Variants in OSBPL9 observed in about 807,000 individuals in gnomAD.
The protein encoded by OSBPL9 is oxysterol-binding protein-related protein 9.
Under a neutral mutation model 106.6 loss-of-function variants are expected in OSBPL9, and 40 were observed. The observed-to-expected ratio is 0.38, with a 90% confidence interval of 0.29 to 0.49. OSBPL9 has a LOEUF of 0.49. OSBPL9 is among the 20% of genes least tolerant of loss of function. The pLI, the probability that OSBPL9 is intolerant of heterozygous loss-of-function variation, is 0.97. For synonymous variants in OSBPL9, 269 were observed against 295.4 expected, an observed-to-expected ratio of 0.91 and a Z score of 0.92; for missense variants, 609 against 887.2, an observed-to-expected ratio of 0.69 and a Z score of 3.98.
intron 1 of OSBPL9, among the ~76,000 whole-genome samples, chr1:51,591,731 G>A (rs1465266419): frequency 6.6e-6 from 1 of 152,148 alleles, no homozygotes; most frequent in Non-Finnish European, 1.5e-5. Flanking sequence ...GGTGGAGGTT[G>A]CAGTGAGCTG....
At chr1:51,685,518 C>T (rs2148813438) in intron 3 of OSBPL9, among the ~76,000 whole-genome samples, 1 of 152,312 alleles carries the variant, frequency 6.6e-6, no homozygotes, top group African/African-American at 2.4e-5. Flanking sequence ...AGCGATTCTC[C>T]TGCCTTAGCC....
At chr1:51,666,090 C>T (rs564401094) in intron 2 of OSBPL9, among the ~76,000 whole-genome samples, 53 of 152,174 alleles carry the variant, frequency 3.5e-4, no homozygotes, top group East Asian at 2.7e-3. Context: ...TCAGGTGATC[C>T]GCCCGCCTCG....
intron 1 of OSBPL9, among the ~76,000 whole-genome samples, chr1:51,586,337 T>C (rs1294337680): frequency 1.3e-5 from 2 of 152,172 alleles, no homozygotes; most frequent in Non-Finnish European, 2.9e-5. Context: ...TTACAGTGAC[T>C]ATATATATAA....
intron 14 of OSBPL9, 108 bp downstream of exon 14, chr1:51,772,831 C>G (rs571804271): frequency 2.5e-6 from 2 of 785,510 alleles, no homozygotes; most frequent in African/African-American, 1.7e-5. Context: ...CTTTTTATAC[C>G]TGTGTCTTCT....
chr1:51,784,635 TTTGTC>T lies in OSBPL9; in HGVS notation c.1829+57_1829+61del. The T allele has an allele frequency of 3.2e-6, 5 of 1,572,060 alleles. No homozygotes were observed. The Admixed American group carries it at 8.5e-5, about 27-fold the overall frequency. On this transcript the variant is annotated intron_variant, in intron 20 of 23. Transcript: ENST00000428468. ...TTATGCTTTTCTGAAATAACTGCCT[TTTGTC>T]TTGAACTACAGCTTCTGGATTAGGA...
rs180729624 is a variant in OSBPL9, at chr1:51,766,976, G to A, written c.938+995G>A. Among the ~76,000 whole-genome samples, 394 of 152,206 alleles carry A rather than the reference G, an allele frequency of 2.6e-3. 1 individual carries two copies. Among genetic ancestry groups the A allele is most frequent in the African/African-American group, 9.0e-3 (373 of 41,532 alleles). The stretch of plus-strand genomic sequence containing the variant: ...GCCTATAAATTCCAGCTACTCAGGA[G>A]GCTGAGGCAGGAGAATCACTTGAAC... On this transcript the variant is annotated intron_variant, in intron 12 of 23. Transcript: ENST00000428468.
the OSBPL9 span, among the ~76,000 whole-genome samples, chr1:51,540,778 G>A: frequency 4.6e-5 from 7 of 151,938 alleles, no homozygotes; most frequent in African/African-American, 1.7e-4. Context: ...GGCCAACATG[G>A]TGAAACCCCG....
chr1:51,680,926 CA>C (rs1264967218), intron 3 of OSBPL9, among the ~76,000 whole-genome samples: 1 of 152,156 alleles, frequency 6.6e-6, no homozygotes, highest in East Asian at 1.9e-4. Flanking sequence ...CCCTCATCAG[CA>C]CTTAGTATTA....
At chr1:51,727,531 C>T (rs1483037111) in intron 4 of OSBPL9, among the ~76,000 whole-genome samples, 1 of 152,100 alleles carries the variant, frequency 6.6e-6, no homozygotes, top group Non-Finnish European at 1.5e-5. Flanking sequence ...AAATAGAAAG[C>T]AGAGCAGTGG....
chr1:51,710,004 A>G (rs911587413), intron 3 of OSBPL9: 1 of 152,200 alleles, frequency 6.6e-6, no homozygotes, highest in East Asian at 1.9e-4. Flanking sequence ...ATACTTAACT[A>G]TTGTAGATTA....
At chr1:51,628,684 CTTT>C (rs909175159) in intron 1 of OSBPL9, among the ~76,000 whole-genome samples, 2 of 134,454 alleles carry the variant, frequency 1.5e-5, no homozygotes, top group Admixed American at 7.5e-5. Flanking sequence ...TTCTTTTTTT[CTTT>C]TTTTTTTTTT....
the OSBPL9 span, among the ~76,000 whole-genome samples, chr1:51,570,385 C>T: frequency 6.6e-6 from 1 of 152,216 alleles, no homozygotes; most frequent in African/African-American, 2.4e-5. Context: ...TGTGCAGGAT[C>T]ACTCAACCAG....
chr1:51,725,739 A>AT lies in OSBPL9; in HGVS notation c.318+11668dup, dbSNP rs201204894. On this transcript the variant is annotated intron_variant, in intron 4 of 23. Coordinates refer to ENST00000428468, the MANE Select transcript of OSBPL9 (RefSeq NM_024586.6). Reference sequence around the variant, plus strand: ...AAGCCTAGAGGGGACGCATTAGGGGATTTTTTTTCCCCCAGTATTCACTGT... The same window carrying AT: ...AAGCCTAGAGGGGACGCATTAGGGGATTTTTTTTTCCCCCAGTATTCACTGT... Among the ~76,000 whole-genome samples the AT allele has an allele frequency of 6.5e-3, 985 of 151,992 alleles. 7 individuals are homozygous for AT. The highest frequency in any genetic ancestry group is 0.011 in the Non-Finnish European group (759 of 67,970).
chr1:51,715,543 C>A (rs1046595649), intron 4 of OSBPL9, among the ~76,000 whole-genome samples: 1 of 152,078 alleles, frequency 6.6e-6, no homozygotes, highest in Non-Finnish European at 1.5e-5. Flanking sequence ...CCCGTGCGTT[C>A]TAGCAATTCT....
intron 1 of OSBPL9, among the ~76,000 whole-genome samples, chr1:51,589,406 A>G (rs1645262232): frequency 6.6e-6 from 1 of 152,140 alleles, no homozygotes; most frequent in South Asian, 2.1e-4. Context: ...TTCAAAATTC[A>G]ATGAATAATG....
At chr1:51,672,510 C>T (rs1557669723) in intron 3 of OSBPL9, among the ~76,000 whole-genome samples, 1 of 152,088 alleles carries the variant, frequency 6.6e-6, no homozygotes, top group Non-Finnish European at 1.5e-5. Context: ...GCCCCCGGCC[C>T]CAGGCAACTA....
intron 1 of OSBPL9, among the ~76,000 whole-genome samples, chr1:51,639,378 A>G (rs1570714703): frequency 6.6e-6 from 1 of 152,202 alleles, no homozygotes; most frequent in Admixed American, 6.5e-5. Context: ...ATGTCTCTCA[A>G]TGTGGAAACA....
chr1:51,675,154 A>G (rs867198478), intron 3 of OSBPL9, among the ~76,000 whole-genome samples: 1 of 152,196 alleles, frequency 6.6e-6, no homozygotes, highest in Non-Finnish European at 1.5e-5. Flanking sequence ...CTCACGACAC[A>G]TCTCTCAGAA....
Position 51,787,373 on chromosome 1 carries a change from T to G in OSBPL9, c.2021T>G (p.Phe674Cys). 6.2e-7 allele frequency: 1 copy of G among 1,614,018 alleles called. No homozygotes were observed. Residue 674 changes from phenylalanine (F) to cysteine (C), a missense_variant, in exon 23 of 24, where the codon TTC (phenylalanine) becomes TGC (cysteine). Phe to Cys is a radical substitution (Grantham distance 205). Around this residue, in one of 5 missense-constraint regions of OSBPL9, gnomAD observed 132 missense variants for 158.1 expected, o/e 0.83. Transcript: ENST00000428468. The part of the protein sequence containing the change: ...ESRSLWKDVT[F>C]NLKIRDIDAA... Reference sequence around the variant, plus strand: ...TTTAGCCTTTGGAAGGATGTCACTTTCAACTTAAAAATCAGAGACATTGAT... The same window carrying G: ...TTTAGCCTTTGGAAGGATGTCACTTGCAACTTAAAAATCAGAGACATTGAT...
Sources: gnomAD v4.1 joint callset for allele counts (sites outside exome capture counted in the v4.1 genomes callset) on GRCh38, gnomAD v4.1.1 for gene constraint, gnomAD v4.1.1 regional missense constraint, MANE v1.5 for transcripts, NCBI Gene and HGNC (gene_info 2026-07-23, HGNC 2026-07-21) for gene names.